Variants in LPCAT2 observed in about 807,000 individuals in gnomAD.
The protein encoded by LPCAT2 is lysophosphatidylcholine acyltransferase 2.
A neutral mutation model predicts 64.7 loss-of-function variants in LPCAT2; 58 were observed. The ratio of observed to expected loss-of-function variants is 0.90; its 90% CI spans 0.73 to 1.12. The LOEUF is 1.12. Ranked by LOEUF, LPCAT2 falls within the 50% of genes most tolerant of loss-of-function variation. The pLI is 0.00. For missense variants in LPCAT2, 579 were observed against 669.8 expected (o/e 0.86, Z 1.50); for synonymous variants, 252 against 245.3 (o/e 1.03, Z -0.26).
intron 1 of LPCAT2, among the ~76,000 whole-genome samples, chr16:55,522,336 A>G (rs1179843931): frequency 6.6e-6 from 1 of 151,730 alleles, no homozygotes; most frequent in African/African-American, 2.4e-5. Context: ...ATTAATGAAG[A>G]CTTACATAGA....
chr16:55,528,567 G>A lies in LPCAT2; in HGVS notation c.502G>A (p.Glu168Lys), dbSNP rs1469133474. Reference sequence around the variant, plus strand: ...GTTACCTTCTATGGTATCTCGAAATGAGAATGCACAAGTCCCTCTGATTGG... The same window carrying A: ...GTTACCTTCTATGGTATCTCGAAATAAGAATGCACAAGTCCCTCTGATTGG... ...AGLPSMVSRN[E>K]NAQVPLIGRL... The change falls in exon 3 of 14, where the codon GAG becomes AAG. Residue 168 changes from glutamate to lysine, a missense_variant. Coordinates refer to ENST00000262134, the MANE Select transcript of LPCAT2 (RefSeq NM_017839.5). 3.7e-6 allele frequency: 6 copies of A among 1,613,592 alleles called. No individual in the cohort carries two copies. The highest frequency in any genetic ancestry group is 5.1e-6 in the Non-Finnish European group (6 of 1,179,604).
intron 11 of LPCAT2, chr16:55,567,248 C>A: frequency 6.2e-7 from 1 of 1,613,666 alleles, no homozygotes; most frequent in East Asian, 2.2e-5. Context: ...ATGACAGGGA[C>A]CATTCTGGGT....
chr16:55,557,843 T>C (rs1422287213), intron 11 of LPCAT2, among the ~76,000 whole-genome samples: 1 of 152,198 alleles, frequency 6.6e-6, no homozygotes, highest in Non-Finnish European at 1.5e-5. Flanking sequence ...TGTCTCAATT[T>C]ATCCTACAAA....
intron 11 of LPCAT2, among the ~76,000 whole-genome samples, chr16:55,557,920 G>A (rs194168): frequency 0.8 from 121,369 of 152,164 alleles, 51,529 homozygotes; most frequent in Non-Finnish European, 0.94. Context: ...ACAGTTTGAA[G>A]GCCCAACAAA....
intron 11 of LPCAT2, among the ~76,000 whole-genome samples, chr16:55,571,038 A>G (rs1963764311): frequency 6.6e-6 from 1 of 152,196 alleles, no homozygotes; most frequent in African/African-American, 2.4e-5. Context: ...CAGGGATGAT[A>G]TATTTCAGTT....
At chr16:55,533,406 G>GGTTTT (rs1183017645) in intron 6 of LPCAT2, among the ~76,000 whole-genome samples, 2 of 96,444 alleles carry the variant, frequency 2.1e-5, no homozygotes, top group African/African-American at 8.2e-5. Flanking sequence ...TGTTTTTCGG[G>GGTTTT]TTTTTTTTTT....
chr16:55,532,949 C>A (rs1232492994), intron 6 of LPCAT2, 67 bp downstream of exon 6: 1 of 1,282,440 alleles, frequency 7.8e-7, no homozygotes, highest in Non-Finnish European at 1.1e-6. Context: ...TCTGGGACCC[C>A]TTTTAATATA....
intron 2 of LPCAT2, 84 bp from the exon 3 acceptor site, chr16:55,528,293 G>C (rs1329053283): frequency 1.1e-6 from 1 of 944,932 alleles, no homozygotes; most frequent in Non-Finnish European, 1.6e-6. Flanking sequence ...GACATGTTTT[G>C]GTTTTCTTAT....
chr16:55,547,460 T>G (rs1185666154), intron 9 of LPCAT2, among the ~76,000 whole-genome samples: 1 of 152,174 alleles, frequency 6.6e-6, no homozygotes, highest in Non-Finnish European at 1.5e-5. Context: ...AAAACACAAG[T>G]ACTGTGGTAG....
chr16:55,514,011 C>A (rs764487797), intron 1 of LPCAT2, among the ~76,000 whole-genome samples: 2 of 151,898 alleles, frequency 1.3e-5, no homozygotes, highest in Non-Finnish European at 2.9e-5. Flanking sequence ...AAGGCCAGCC[C>A]GGGCAACATA....
At chr16:55,509,494 C>T (rs1962893881) in intron 1 of LPCAT2, 142 bp downstream of exon 1, 1 of 898,906 alleles carries the variant, frequency 1.1e-6, no homozygotes, top group South Asian at 3.8e-5. Flanking sequence ...CCGAGGCGGG[C>T]GAGAGTCTGA....
chr16:55,572,212 T>C (rs1963777837), intron 11 of LPCAT2, among the ~76,000 whole-genome samples: 1 of 152,176 alleles, frequency 6.6e-6, no homozygotes, highest in Non-Finnish European at 1.5e-5. Flanking sequence ...TATTTCTCCA[T>C]CTGCAAAATG....
In LPCAT2 at chr16:55,514,890, TTGTGTGTGTG is replaced by T. The variant is rs35295405; in HGVS notation, c.171+5570_171+5579del. ...AGAATATCAATAAAGATGCAATGCA[TTGTGTGTGTG>T]TGTGTGTGTGTGTGTGTGTGTGTGT... On this transcript the variant is annotated intron_variant, in intron 1 of 13. Transcript: ENST00000262134. Among the ~76,000 whole-genome samples, 171 of 141,328 alleles carry T rather than the reference TTGTGTGTGTG, an allele frequency of 1.2e-3. 1 individual carries two copies. Among genetic ancestry groups the T allele is most frequent in the Middle Eastern group, 7.2e-3 (2 of 276 alleles). The allele number at this position is 141,328 out of a possible 152,430, so 92.7% of individuals were successfully genotyped here.
intron 11 of LPCAT2, among the ~76,000 whole-genome samples, chr16:55,552,413 G>A (rs1963527902): frequency 6.6e-6 from 1 of 152,180 alleles, no homozygotes; most frequent in Admixed American, 6.5e-5. Flanking sequence ...CTAAGAATTT[G>A]TATATAGGTT....
At chr16:55,540,971 G>T (rs1963388872) in intron 8 of LPCAT2, 1 of 152,424 alleles carries the variant, frequency 6.6e-6, no homozygotes, top group African/African-American at 2.4e-5. Context: ...ACATCTCATT[G>T]TACTATATTC....
intron 11 of LPCAT2, among the ~76,000 whole-genome samples, chr16:55,569,241 A>T (rs769987270): frequency 4.6e-5 from 7 of 152,162 alleles, no homozygotes; most frequent in Non-Finnish European, 8.8e-5. Flanking sequence ...CACCACACAC[A>T]TATAATTCTG....
chr16:55,564,266 T>C (rs1257586996), intron 11 of LPCAT2, among the ~76,000 whole-genome samples: 1 of 151,938 alleles, frequency 6.6e-6, no homozygotes. Context: ...TAAGAGTCAG[T>C]ACTTCCCACA....
chr16:55,534,612 C>T (rs1473342000), intron 7 of LPCAT2, 135 bp downstream of exon 7: 1 of 448,960 alleles, frequency 2.2e-6, no homozygotes, highest in Non-Finnish European at 4.0e-6. Context: ...GATTTCTGAT[C>T]AGAGCCCTAA....
chr16:55,513,876 C>T (rs1962969595), intron 1 of LPCAT2, among the ~76,000 whole-genome samples: 1 of 152,098 alleles, frequency 6.6e-6, no homozygotes, highest in African/African-American at 2.4e-5. Flanking sequence ...TTACACAGTG[C>T]AAATAGCCTT....
Sources: allele counts gnomAD v4.1 joint callset (sites outside exome capture counted in the v4.1 genomes callset), GRCh38; gene constraint gnomAD v4.1.1; transcripts MANE v1.5; gene names NCBI Gene and HGNC (gene_info 2026-07-23, HGNC 2026-07-21).